KLC1: variants seen among roughly 807,000 people sequenced by gnomAD.
The protein encoded by KLC1 is kinesin 2 60/70kDa.
Under a neutral mutation model 84.2 loss-of-function variants are expected in KLC1, and 30 were observed. The ratio of observed to expected loss-of-function variants is 0.36; its 90% CI spans 0.27 to 0.48. The LOEUF is 0.48. KLC1 is among the 20% of genes least tolerant of loss of function. The pLI, the probability that KLC1 is intolerant of heterozygous loss-of-function variation, is 0.99. For synonymous variants in KLC1, 289 were observed against 293.3 expected (o/e 0.99, Z 0.15); for missense variants, 499 against 805.4 (o/e 0.62, Z 4.60).
At chr14:103,699,098 G>A (rs2151905555) in intron 15 of KLC1, 1 of 1,566,482 alleles carries the variant, frequency 6.4e-7, no homozygotes, top group South Asian at 1.2e-5. Flanking sequence ...CCTGGCACCT[G>A]CACAGAGGTG....
intron 14 of KLC1, 88 bp from the exon 15 acceptor site, chr14:103,692,271 C>A: frequency 1.7e-6 from 2 of 1,205,282 alleles, no homozygotes; most frequent in Admixed American, 2.0e-5. Context: ...GTCACAGAGG[C>A]GTTGGAGGGG....
At position 103,687,072 on chromosome 14, in the gene KLC1, T is replaced by C; in HGVS notation, c.1651-9T>C. 1 of 1,520,416 alleles carries C rather than the reference T, an allele frequency of 6.6e-7. No individual in the cohort carries two copies. The highest frequency in any genetic ancestry group is 8.9e-7 in the Non-Finnish European group (1 of 1,122,796). 94.2% of individuals were successfully genotyped at this position (1,520,416 alleles called of 1,614,324 possible). On this transcript the variant is annotated splice_polypyrimidine_tract_variant and intron_variant, in intron 13 of 16. Transcript: ENST00000334553. ...CCTGCAGCTTCACGTTTGTTCACGT[T>C]TTTTTCAGGATGGCACTGGATCTTT... is the stretch of plus-strand genomic sequence containing the variant.
rs1191513335 is a variant in KLC1, at chr14:103,662,241, T to C, written c.571+47T>C. ...CATGTTACCGAGTGCAGAAGAGAGG[T>C]GTTCCTCCTAGAACACGGTCATAGC... On this transcript the variant is annotated intron_variant, in intron 4 of 16. Coordinates refer to ENST00000334553, the MANE Select transcript of KLC1 (RefSeq NM_001394837.1). The C allele has an allele frequency of 5.5e-6, 8 of 1,443,036 alleles. No homozygotes were observed. In the Admixed American group the frequency reaches 1.2e-4, roughly 21 times the overall value. 89.4% of individuals were successfully genotyped at this position (1,443,036 alleles called of 1,614,324 possible). A position where few individuals can be genotyped will look rare whatever the true frequency, so the allele number is the denominator to read the frequency against.
chr14:103,656,705 A>G (rs1253148260), intron 2 of KLC1, among the ~76,000 whole-genome samples: 2 of 152,230 alleles, frequency 1.3e-5, no homozygotes, highest in Admixed American at 1.3e-4. Flanking sequence ...AACAGGTGAC[A>G]TGAATTTAAA....
chr14:103,632,743 C>T (rs141217045), intron 1 of KLC1, among the ~76,000 whole-genome samples: 7 of 151,938 alleles, frequency 4.6e-5, no homozygotes, highest in African/African-American at 1.7e-4. Context: ...AACCAAAAAA[C>T]AAAAAAACTC....
intron 13 of KLC1, among the ~76,000 whole-genome samples, chr14:103,680,111 C>A (rs970365364): frequency 6.6e-6 from 1 of 152,204 alleles, no homozygotes; most frequent in Non-Finnish European, 1.5e-5. Context: ...CTGGCTCTTC[C>A]TGGTTGCCAG....
intron 3 of KLC1, among the ~76,000 whole-genome samples, chr14:103,658,464 G>A (rs540472851): frequency 1.6e-5 from 2 of 121,780 alleles, no homozygotes; most frequent in South Asian, 6.0e-4. Context: ...TAGTAGAGAT[G>A]AGGTTTCACT....
intron 1 of KLC1, among the ~76,000 whole-genome samples, chr14:103,648,786 G>A (rs924927707): frequency 1.3e-5 from 2 of 152,034 alleles, no homozygotes; most frequent in African/African-American, 2.4e-5. Flanking sequence ...GGGTGACAGA[G>A]TGAGACCCTG....
chr14:103,646,188 CAGGG>C (rs2077909755), intron 1 of KLC1, among the ~76,000 whole-genome samples: 1 of 152,202 alleles, frequency 6.6e-6, no homozygotes, highest in South Asian at 2.1e-4. Flanking sequence ...TCATATCTAT[CAGGG>C]AGTTAGTTAA....
chr14:103,699,274 C>T (rs745449993), intron 15 of KLC1: 6 of 1,540,658 alleles, frequency 3.9e-6, no homozygotes, highest in Non-Finnish European at 4.4e-6. Flanking sequence ...GGCCACCTCA[C>T]TGCCACCCGC....
At position 103,662,843 on chromosome 14, in the gene KLC1, A is replaced by C; in HGVS notation, c.713A>C (p.Gln238Pro). Residue 238 changes from glutamine (Q) to proline (P), a missense_variant, in exon 5 of 17, where the codon CAG (glutamine) becomes CCG (proline). Gln to Pro is a moderately conservative substitution (Grantham distance 76). Transcript: ENST00000334553. Reference sequence around the variant, plus strand: ...GAGGTAGCTGTGCCCCTCTGCAAGCAGGCCCTGGAGGACCTGGAGAAGACT... The same window carrying C: ...GAGGTAGCTGTGCCCCTCTGCAAGCCGGCCCTGGAGGACCTGGAGAAGACT... The part of the protein sequence containing the change: ...RYEVAVPLCK[Q>P]ALEDLEKTSG... 6.2e-7 allele frequency: 1 copy of C among 1,613,588 alleles called. No individual in the cohort carries two copies. Among genetic ancestry groups the C allele is most frequent in the Non-Finnish European group, 8.5e-7 (1 of 1,179,936 alleles).
chr14:103,646,241 GAGTA>G (rs781281951), intron 1 of KLC1, among the ~76,000 whole-genome samples: 19 of 152,208 alleles, frequency 1.2e-4, no homozygotes, highest in Non-Finnish European at 2.4e-4. Context: ...TAGTGTGACA[GAGTA>G]AGTAAAATAT....
In KLC1 at chr14:103,693,375, A is replaced by T. The variant is rs545395732; in HGVS notation, c.1848+950A>T. Among the ~76,000 whole-genome samples the T allele has an allele frequency of 2.0e-5, 3 of 151,824 alleles. No individual in the cohort carries two copies. The highest frequency in any genetic ancestry group is 4.4e-5 in the Non-Finnish European group (3 of 67,962). On this transcript the variant is annotated intron_variant, in intron 15 of 16. Coordinates refer to ENST00000334553, the MANE Select transcript of KLC1 (RefSeq NM_001394837.1). This position sits in a 1 kb window ranked among gnomAD's most constrained non-coding sequence, Gnocchi z 5.1. Reference sequence around the variant, plus strand: ...TTCATTTTACAGGGTCCTGTAGCTGACCCAGTGTTTGCCCTCCAGTTTCTT... The same window carrying T: ...TTCATTTTACAGGGTCCTGTAGCTGTCCCAGTGTTTGCCCTCCAGTTTCTT...
At chr14:103,651,221 G>C (rs1045207542) in intron 1 of KLC1, among the ~76,000 whole-genome samples, 2 of 152,014 alleles carry the variant, frequency 1.3e-5, no homozygotes, top group African/African-American at 4.8e-5. Flanking sequence ...TGTTGGCCAG[G>C]CTGGTCTTGA....
intron 15 of KLC1, chr14:103,696,014 G>T (rs980897320): frequency 1.0e-6 from 1 of 985,260 alleles, no homozygotes; most frequent in Non-Finnish European, 1.2e-6. Flanking sequence ...CCTCCTGTGT[G>T]TGGTCGTTCT....
rs1319177233 is a variant in KLC1 at position 103,669,509 on chromosome 14, A to G, written c.798-2A>G. 6.4e-7 allele frequency: 1 copy of G among 1,572,262 alleles called. No individual in the cohort carries two copies. Among genetic ancestry groups the G allele is most frequent in the South Asian group, 1.1e-5 (1 of 89,426 alleles). On this transcript the variant is annotated splice_acceptor_variant, in intron 5 of 16. Transcript: ENST00000334553. LOFTEE classifies it high-confidence loss of function. ...ACACTTAATGTGTGTTTTTCCATTTAGGGATCAGAATAAATACAAAGATGC... is the reference window on the plus strand; with the variant it reads ...ACACTTAATGTGTGTTTTTCCATTTGGGGATCAGAATAAATACAAAGATGC...
chr14:103,677,560 A>G (rs373013715), intron 12 of KLC1, 37 bp downstream of exon 12: 56 of 1,194,286 alleles, frequency 4.7e-5, no homozygotes, highest in South Asian at 6.3e-5. Context: ...GCCCATGGGA[A>G]CTTTGAATTG....
At chr14:103,661,697 G>T (rs536694060) in intron 3 of KLC1, among the ~76,000 whole-genome samples, 1 of 152,172 alleles carries the variant, frequency 6.6e-6, no homozygotes, top group Admixed American at 6.5e-5. Context: ...CCCCAGAGCC[G>T]ATTGTGGTGG....
intron 5 of KLC1, among the ~76,000 whole-genome samples, chr14:103,668,899 TC>T (rs1403862959): frequency 1.3e-5 from 2 of 151,916 alleles, no homozygotes; most frequent in African/African-American, 4.8e-5. Flanking sequence ...TGCCTCAGCC[TC>T]CCGAGTAGCT....
Sources: gnomAD v4.1 joint callset for allele counts (sites outside exome capture counted in the v4.1 genomes callset) on GRCh38, gnomAD v4.1.1 for gene constraint, Gnocchi (gnomAD v3.1) non-coding constraint, MANE v1.5 for transcripts, NCBI Gene and HGNC (gene_info 2026-07-23, HGNC 2026-07-21) for gene names.